CADM2: variants seen among roughly 807,000 people sequenced by gnomAD.
CADM2 encodes the protein immunoglobulin superfamily member 4D.
In CADM2, 12 loss-of-function variants were observed where a neutral mutation model predicts 49.8. The observed-to-expected ratio is 0.24, with a 90% CI of 0.15 to 0.39. The LOEUF (loss-of-function observed/expected upper bound fraction) is 0.39, where lower values mean the gene tolerates loss of function less well. Among genes scored for constraint, CADM2 ranks in the 10% least tolerant of loss-of-function variants. The pLI, the probability that CADM2 is intolerant of heterozygous loss-of-function variation, is 1.00. For missense variants in CADM2, 378 were observed against 492.3 expected (o/e 0.77, Z 2.20); for synonymous variants, 214 against 175.4 (o/e 1.22, Z -1.74).
chr3:85,372,373 A>ATG (rs1200480377), intron 1 of CADM2, among the ~76,000 whole-genome samples: 32 of 150,560 alleles, frequency 2.1e-4, no homozygotes, highest in Middle Eastern at 3.5e-3. Context: ...GTATATATAT[A>ATG]TGTGTGTGTG....
chr3:85,577,581 A>T (rs1473097922), intron 1 of CADM2, among the ~76,000 whole-genome samples: 1 of 152,212 alleles, frequency 6.6e-6, no homozygotes, highest in Non-Finnish European at 1.5e-5. Context: ...GTTATAGAAC[A>T]CAAAACAGGC....
chr3:85,488,451 T>A (rs986326563), intron 1 of CADM2, among the ~76,000 whole-genome samples: 13 of 152,200 alleles, frequency 8.5e-5, no homozygotes, highest in African/African-American at 3.1e-4. Context: ...GTAGTCAGCC[T>A]CTGGATTTTT....
intron 2 of CADM2, among the ~76,000 whole-genome samples, chr3:85,753,347 T>C (rs2068951641): frequency 6.6e-6 from 1 of 151,332 alleles, no homozygotes; most frequent in African/African-American, 2.4e-5. Context: ...TAAAAGAAAA[T>C]AAGTATCAGA....
At chr3:85,637,357 C>T (rs1036487179) in intron 1 of CADM2, among the ~76,000 whole-genome samples, 6 of 151,256 alleles carry the variant, frequency 4.0e-5, no homozygotes, top group African/African-American at 1.5e-4. Flanking sequence ...AATCCCAGCA[C>T]TTTGGGAGGC....
At chr3:85,025,931 C>T (rs944305580) in intron 1 of CADM2, among the ~76,000 whole-genome samples, 1 of 152,050 alleles carries the variant, frequency 6.6e-6, no homozygotes, top group African/African-American at 2.4e-5. Context: ...CGTGAAATGC[C>T]ATGCTCAAAG....
intron 1 of CADM2, among the ~76,000 whole-genome samples, chr3:85,340,009 T>TA (rs1357792108): frequency 6.6e-6 from 1 of 151,450 alleles, no homozygotes; most frequent in Non-Finnish European, 1.5e-5. Context: ...CAGTGCTTGT[T>TA]ACTAGGAAAA....
chr3:85,090,742 C>T (rs1253970066), intron 1 of CADM2, among the ~76,000 whole-genome samples: 2 of 152,110 alleles, frequency 1.3e-5, no homozygotes, highest in Non-Finnish European at 2.9e-5. Flanking sequence ...AGATTAGCAG[C>T]GGCATTAGAT....
chr3:84,977,721 G>T (rs1391010334), intron 1 of CADM2, among the ~76,000 whole-genome samples: 1 of 151,976 alleles, frequency 6.6e-6, no homozygotes, highest in African/African-American at 2.4e-5. Context: ...AAAACTGGAA[G>T]AATACCACAA....
chr3:85,870,602 A>T (rs1368125183), intron 3 of CADM2, among the ~76,000 whole-genome samples: 1 of 152,182 alleles, frequency 6.6e-6, no homozygotes, highest in Non-Finnish European at 1.5e-5. Context: ...TGGCTGTGTA[A>T]TATTCCATAG....
chr3:85,411,923 G>C (rs1420432684), intron 1 of CADM2, among the ~76,000 whole-genome samples: 1 of 152,002 alleles, frequency 6.6e-6, no homozygotes, highest in East Asian at 1.9e-4. Context: ...TGCCTCCCAG[G>C]TTCAAGCTAT....
At chr3:85,275,010 C>T (rs894043700) in intron 1 of CADM2, among the ~76,000 whole-genome samples, 1 of 151,216 alleles carries the variant, frequency 6.6e-6, no homozygotes, top group Non-Finnish European at 1.5e-5. Context: ...AAGGAAAAAG[C>T]CTAGCCATAG....
intron 7 of CADM2, among the ~76,000 whole-genome samples, chr3:85,959,525 T>C (rs1047560871): frequency 4.0e-5 from 6 of 151,788 alleles, no homozygotes; most frequent in African/African-American, 1.5e-4. Flanking sequence ...CATAGGAGCA[T>C]CTCAGAGCAA....
chr3:85,002,906 C>A (rs1052707482), intron 1 of CADM2, among the ~76,000 whole-genome samples: 1 of 152,104 alleles, frequency 6.6e-6, no homozygotes, highest in Non-Finnish European at 1.5e-5. Flanking sequence ...CCACCTCAGC[C>A]TCCCAAATAG....
chr3:85,414,440 C>T lies in CADM2; in HGVS notation c.62-312082C>T, dbSNP rs533873956. Among the ~76,000 whole-genome samples the T allele has an allele frequency of 2.0e-5, 3 of 152,230 alleles. No homozygotes were observed. The South Asian group carries it at 6.2e-4, about 32-fold the overall frequency. On this transcript the variant is annotated intron_variant, in intron 1 of 9. Coordinates refer to ENST00000383699, the MANE Select transcript of CADM2 (RefSeq NM_001167675.2). ...ATAGCAAGTATGTAGTTTTGACATGCACAGTAAAATATTTATTATTAGTGG... is the reference window on the plus strand; with the variant it reads ...ATAGCAAGTATGTAGTTTTGACATGTACAGTAAAATATTTATTATTAGTGG...
intron 3 of CADM2, among the ~76,000 whole-genome samples, chr3:85,878,179 G>T (rs1712202720): frequency 6.6e-6 from 1 of 151,868 alleles, no homozygotes; most frequent in Non-Finnish European, 1.5e-5. Context: ...GCAGTTTCTT[G>T]GTCCTTAAGA....
chr3:85,695,554 T>C (rs1472446873), intron 1 of CADM2, among the ~76,000 whole-genome samples: 1 of 149,652 alleles, frequency 6.7e-6, no homozygotes, highest in Non-Finnish European at 1.5e-5. Flanking sequence ...TAAGTAATAT[T>C]CATATATATA....
At chr3:85,367,115 A>G (rs1420468302) in intron 1 of CADM2, among the ~76,000 whole-genome samples, 2 of 152,096 alleles carry the variant, frequency 1.3e-5, no homozygotes, top group African/African-American at 4.8e-5. Context: ...GATATATAAT[A>G]TCAAAATTGA....
At chr3:85,879,705 T>C (rs1325085598) in intron 3 of CADM2, among the ~76,000 whole-genome samples, 2 of 152,152 alleles carry the variant, frequency 1.3e-5, no homozygotes, top group Non-Finnish European at 2.9e-5. Context: ...TTGTAAGAAA[T>C]AATAGAGAGC....
chr3:85,923,250 T>G (rs1719378199), intron 6 of CADM2, among the ~76,000 whole-genome samples: 2 of 152,218 alleles, frequency 1.3e-5, no homozygotes, highest in African/African-American at 4.8e-5. Flanking sequence ...TGTCATATTT[T>G]CCTTTCAGCA....
Sources: gnomAD v4.1 joint callset for allele counts (sites outside exome capture counted in the v4.1 genomes callset) on GRCh38, gnomAD v4.1.1 for gene constraint, MANE v1.5 for transcripts, NCBI Gene and HGNC (gene_info 2026-07-23, HGNC 2026-07-21) for gene names.